The following SEC24D variants were observed in gnomAD, a reference collection of about 807,000 sequenced individuals.
The protein encoded by SEC24D is SEC24 homolog D, COPII component.
SEC24D carries 69 observed loss-of-function variants against 116.9 expected under a neutral mutation model. The observed-to-expected ratio is 0.59, with a 90% confidence interval of 0.49 to 0.72. The LOEUF is 0.72. Among genes scored for constraint, SEC24D ranks in the 30% least tolerant of loss-of-function variants. The pLI, the probability that SEC24D is intolerant of heterozygous loss-of-function variation, is 0.00. For synonymous variants in SEC24D, 405 were observed against 442.8 expected (o/e 0.91, Z 1.07); for missense variants, 1,131 against 1,264.1 (o/e 0.89, Z 1.60).
chr4:118,732,957 G>C (rs1383400821), intron 19 of SEC24D, 45 bp from the exon 20 acceptor site: 1 of 1,484,582 alleles, frequency 6.7e-7, no homozygotes, highest in Non-Finnish European at 9.3e-7. Context: ...TCTTTACTGA[G>C]AACAATTCCC....
At chr4:118,805,632 C>T (rs547322842) in intron 7 of SEC24D, among the ~76,000 whole-genome samples, 4 of 152,184 alleles carry the variant, frequency 2.6e-5, no homozygotes, top group Admixed American at 6.5e-5. Flanking sequence ...TGCTCTGTAC[C>T]TCACTGGAAC....
At position 118,752,787 on chromosome 4, in the gene SEC24D, A is replaced by G; in HGVS notation, c.1523T>C (p.Met508Thr). 1 of 1,612,394 alleles carries G rather than the reference A, an allele frequency of 6.2e-7. No individual in the cohort carries two copies. Among genetic ancestry groups the G allele is most frequent in the Non-Finnish European group, 8.5e-7 (1 of 1,179,280 alleles). Residue 508 changes from methionine (M) to threonine (T), a missense_variant, in exon 12 of 23, where the codon ATG becomes ACG. Met to Thr is a moderately conservative substitution (Grantham distance 81, BLOSUM62 -1). Transcript: ENST00000280551. Reference protein sequence around the residue: ...NVKSNLAQPQMMVVTDVGEVF... With the variant: ...NVKSNLAQPQTMVVTDVGEVF... Reference sequence around the variant, plus strand: ...TTCTCCAACATCAGTCACCACCATCATCTGAGGCTGGGCCAGATTACTCTT... The same window carrying G: ...TTCTCCAACATCAGTCACCACCATCGTCTGAGGCTGGGCCAGATTACTCTT...
intron 8 of SEC24D, among the ~76,000 whole-genome samples, chr4:118,787,235 C>A (rs1440889367): frequency 6.6e-6 from 1 of 152,156 alleles, no homozygotes; most frequent in Non-Finnish European, 1.5e-5. Flanking sequence ...TTACATTCAT[C>A]ATTTTATTTC....
At chr4:118,783,239 C>G (rs944073573) in intron 8 of SEC24D, among the ~76,000 whole-genome samples, 1 of 152,240 alleles carries the variant, frequency 6.6e-6, no homozygotes, top group African/African-American at 2.4e-5. Flanking sequence ...CATCTTGGAA[C>G]AGACCCCTGA....
At position 118,744,123 on chromosome 4, in the gene SEC24D, T is replaced by C; in HGVS notation, c.1860A>G (p.Ser620=). Reference sequence around the variant, plus strand: ...CGTGAGCCACGCAGTCCTTGGCCAATGAGTCATAGACATTTGTTTGGGGCT... The same window carrying C: ...CGTGAGCCACGCAGTCCTTGGCCAACGAGTCATAGACATTTGTTTGGGGCT... The part of the protein sequence containing the change: ...LFQPQTNVYD[S]LAKDCVAHGC... Residue 620 remains serine (S), a synonymous_variant, in exon 15 of 23, where the codon TCA becomes TCG. Coordinates refer to ENST00000280551, the MANE Select transcript of SEC24D (RefSeq NM_014822.4). 1 of 1,610,688 alleles carries C rather than the reference T, an allele frequency of 6.2e-7. No individual in the cohort carries two copies. The highest frequency in any genetic ancestry group is 8.5e-7 in the Non-Finnish European group (1 of 1,178,624).
chr4:118,754,011 G>A (rs1281278578), intron 11 of SEC24D: 1 of 152,122 alleles, frequency 6.6e-6, no homozygotes, highest in Non-Finnish European at 1.5e-5. Context: ...AGTTCAAATT[G>A]CTGATTCTGC....
chr4:118,823,474 G>C (rs953751314), intron 3 of SEC24D, among the ~76,000 whole-genome samples: 3 of 152,146 alleles, frequency 2.0e-5, no homozygotes, highest in East Asian at 1.9e-4. Flanking sequence ...TCACATCTAG[G>C]GGGTACTGCC....
At chr4:118,767,402 AC>A (rs2110472443) in intron 9 of SEC24D, among the ~76,000 whole-genome samples, 1 of 152,332 alleles carries the variant, frequency 6.6e-6, no homozygotes, top group African/African-American at 2.4e-5. Context: ...AGATCTAATT[AC>A]CTGCAGGGAA....
chr4:118,810,427 A>G (rs1010775581), intron 6 of SEC24D, among the ~76,000 whole-genome samples: 15 of 152,188 alleles, frequency 9.9e-5, no homozygotes, highest in African/African-American at 3.4e-4. Flanking sequence ...CAAGAAAGGA[A>G]GAATCAGAGA....
chr4:118,733,316 T>C (rs1459752263), intron 19 of SEC24D: 3 of 157,852 alleles, frequency 1.9e-5, no homozygotes, highest in African/African-American at 4.8e-5. Flanking sequence ...ATTAAATGAT[T>C]TGTAAAGCAC....
At chr4:118,813,890 C>CA (rs759942483) in intron 6 of SEC24D, among the ~76,000 whole-genome samples, 1 of 152,158 alleles carries the variant, frequency 6.6e-6, no homozygotes, top group Non-Finnish European at 1.5e-5. Context: ...CAGCTGACCC[C>CA]AGATGCATGA....
At chr4:118,812,121 C>T (rs2110520522) in intron 6 of SEC24D, among the ~76,000 whole-genome samples, 1 of 152,278 alleles carries the variant, frequency 6.6e-6, no homozygotes, top group Non-Finnish European at 1.5e-5. Flanking sequence ...ATGAACAAAC[C>T]CAGTATACCG....
At chr4:118,833,423 CT>C in intron 2 of SEC24D, 155 bp downstream of exon 2, 1 of 588,854 alleles carries the variant, frequency 1.7e-6, no homozygotes, top group Admixed American at 3.1e-5. Flanking sequence ...ATGTAGAGTT[CT>C]GCTATGAGAG....
intron 14 of SEC24D, 67 bp downstream of exon 14, chr4:118,744,870 TACATGAA>T: frequency 1.3e-6 from 1 of 796,938 alleles, no homozygotes; most frequent in Admixed American, 2.2e-5. Flanking sequence ...CCTTTTTTCT[TACATGAA>T]GAACACACTG....
chr4:118,791,573 G>T (rs28600971), intron 8 of SEC24D, among the ~76,000 whole-genome samples: 7,660 of 152,032 alleles, frequency 0.05, 223 homozygotes, highest in Non-Finnish European at 0.064. Context: ...CTCTGATGCC[G>T]AGCCGAGACT....
At chr4:118,754,823 C>T (rs1343412852) in intron 11 of SEC24D, among the ~76,000 whole-genome samples, 1 of 152,122 alleles carries the variant, frequency 6.6e-6, no homozygotes, top group Non-Finnish European at 1.5e-5. Context: ...ACTAGTTAAG[C>T]TCCCATTTCC....
intron 6 of SEC24D, among the ~76,000 whole-genome samples, chr4:118,810,074 C>CTGTGTG (rs71595321): frequency 0.079 from 3,039 of 38,472 alleles, 371 homozygotes; most frequent in Middle Eastern, 0.11. Flanking sequence ...TCAGAGGTAG[C>CTGTGTG]TGTGTGTGTG....
chr4:118,780,164 G>T (rs914272994), intron 8 of SEC24D, among the ~76,000 whole-genome samples: 3 of 152,064 alleles, frequency 2.0e-5, no homozygotes, highest in Admixed American at 6.6e-5. Context: ...GTTTGCTCTT[G>T]CTTCTCTAGT....
chr4:118,746,124 T>G (rs1726513105), intron 13 of SEC24D, among the ~76,000 whole-genome samples: 1 of 151,152 alleles, frequency 6.6e-6, no homozygotes. Flanking sequence ...TGCAGTGAGC[T>G]ATGATCATGC....
Sources: allele counts gnomAD v4.1 joint callset (sites outside exome capture counted in the v4.1 genomes callset), GRCh38; gene constraint gnomAD v4.1.1; transcripts MANE v1.5; gene names NCBI Gene and HGNC (gene_info 2026-07-23, HGNC 2026-07-21).